CPS1: variants seen among roughly 807,000 people sequenced by gnomAD.
The protein encoded by CPS1 is carbamoyl-phosphate synthase [ammonia], mitochondrial.
CPS1 carries 109 observed loss-of-function variants against 174.6 expected under a neutral mutation model. That is an observed-to-expected ratio of 0.62 (90% CI 0.53 to 0.73). CPS1 has a LOEUF of 0.73. CPS1 is among the 30% of genes least tolerant of loss of function. CPS1 has a pLI of 0.00. For missense variants in CPS1, 1,689 were observed against 1,821.9 expected (o/e 0.93, Z 1.33); for synonymous variants, 637 against 632.0 (o/e 1.01, Z -0.12).
chr2:210,558,795 T>C (rs1227914192), intron 1 of CPS1, among the ~76,000 whole-genome samples: 1 of 152,068 alleles, frequency 6.6e-6, no homozygotes, highest in Non-Finnish European at 1.5e-5. Context: ...TGTGGATGGA[T>C]TACTGTGAAA....
At chr2:210,555,432 A>G (rs1696882668), upstream of CPS1, among the ~76,000 whole-genome samples, 2 of 152,046 alleles carry the variant, frequency 1.3e-5, no homozygotes, top group Admixed American at 1.3e-4. Flanking sequence ...ATAAACTAGT[A>G]TGAGCCTATT....
chr2:210,504,199 G>T (rs1447048599), intron 1 of CPS1, among the ~76,000 whole-genome samples: 1 of 152,086 alleles, frequency 6.6e-6, no homozygotes, highest in Admixed American at 6.5e-5. Flanking sequence ...CATGGTGTGT[G>T]TCCACCCGTG....
At chr2:210,642,448 C>T in intron 24 of CPS1, 36 bp from the exon 25 acceptor site, 1 of 1,612,842 alleles carries the variant, frequency 6.2e-7, no homozygotes, top group Non-Finnish European at 8.5e-7. Flanking sequence ...CTTCGTGCTT[C>T]TCTTATCCCT....
At chr2:210,634,312 C>T (rs1699963910) in intron 21 of CPS1, among the ~76,000 whole-genome samples, 1 of 152,162 alleles carries the variant, frequency 6.6e-6, no homozygotes, top group African/African-American at 2.4e-5. Flanking sequence ...CACCTGTCGT[C>T]CCAGCTACTC....
chr2:210,493,896 A>G (rs1392404672), intron 1 of CPS1, among the ~76,000 whole-genome samples: 1 of 152,246 alleles, frequency 6.6e-6, no homozygotes, highest in East Asian at 1.9e-4. Flanking sequence ...ATGAGTGAAC[A>G]GATGGGTTAA....
intron 15 of CPS1, among the ~76,000 whole-genome samples, chr2:210,601,939 T>A (rs1698740534): frequency 6.6e-6 from 1 of 151,956 alleles, no homozygotes; most frequent in African/African-American, 2.4e-5. Context: ...ACCATGGTTC[T>A]GTTTCAATAG....
chr2:210,524,324 G>A (rs536308329), intron 1 of CPS1, among the ~76,000 whole-genome samples: 5 of 151,646 alleles, frequency 3.3e-5, no homozygotes, highest in Admixed American at 6.6e-5. Context: ...GTAACCAAAG[G>A]GCAATTTATT....
intron 1 of CPS1, among the ~76,000 whole-genome samples, chr2:210,523,182 T>G (rs1695874060): frequency 6.6e-6 from 1 of 151,900 alleles, no homozygotes; most frequent in Non-Finnish European, 1.5e-5. Context: ...GTTCTTTATG[T>G]TTTTTCTGGA....
intron 1 of CPS1, among the ~76,000 whole-genome samples, chr2:210,493,517 T>C (rs1694919761): frequency 6.6e-6 from 1 of 152,224 alleles, no homozygotes. Flanking sequence ...TTCCCATGGA[T>C]GTATTAAGTA....
In CPS1 at chr2:210,650,422, C is replaced by T. The variant is rs766125631; in HGVS notation, c.3464C>T (p.Ala1155Val). The T allele has an allele frequency of 5.0e-6, 8 of 1,612,170 alleles. No individual in the cohort carries two copies. Among genetic ancestry groups the T allele is most frequent in the African/African-American group, 2.7e-5 (2 of 74,834 alleles). The change falls in exon 28 of 38, where the codon GCG becomes GTG. Residue 1155 changes from alanine to valine, a missense_variant. By Grantham distance (64) the Ala-to-Val change is moderately conservative (BLOSUM62 0). Coordinates refer to ENST00000233072, the MANE Select transcript of CPS1 (RefSeq NM_001875.5). ...EDEMKKFLEE[A>V]TRVSQEHPVV... The stretch of plus-strand genomic sequence containing the variant: ...GAGATGAAAAAATTCCTAGAAGAGG[C>T]GACTAGAGTTTCTCAGGTAGTGTCC...
intron 26 of CPS1, 104 bp downstream of exon 26, chr2:210,648,161 A>G: frequency 3.6e-6 from 4 of 1,111,812 alleles, no homozygotes; most frequent in Non-Finnish European, 5.4e-6. Context: ...TACAGGGCAG[A>G]TAGAATGCAT....
At chr2:210,505,003 C>T (rs1441471360) in intron 1 of CPS1, among the ~76,000 whole-genome samples, 3 of 151,732 alleles carry the variant, frequency 2.0e-5, no homozygotes, top group Non-Finnish European at 4.4e-5. Context: ...AGCTTTTTCT[C>T]GTTGGTCATA....
intron 1 of CPS1, among the ~76,000 whole-genome samples, chr2:210,572,052 A>G (rs1205990464): frequency 6.6e-6 from 1 of 151,928 alleles, no homozygotes; most frequent in South Asian, 2.1e-4. Flanking sequence ...CCTTGCAGAA[A>G]GAATAGCACA....
Position 210,675,597 on chromosome 2 carries a change from A to G in CPS1, c.4162-131A>G. On this transcript the variant is annotated intron_variant, in intron 35 of 37. Coordinates refer to ENST00000233072, the MANE Select transcript of CPS1 (RefSeq NM_001875.5). ...CCCATGCCTCTGGACTGTGAGTCCA[A>G]GTCTCTATCCATGGCACTATACTAC... 8 of 709,386 alleles carry G rather than the reference A, an allele frequency of 1.1e-5. No individual in the cohort carries two copies. The South Asian group carries it at 1.2e-4, about 11-fold the overall frequency. 43.9% of individuals were successfully genotyped at this position (709,386 alleles called of 1,614,324 possible).
At chr2:210,507,369 T>G (rs1388629445) in intron 1 of CPS1, among the ~76,000 whole-genome samples, 3 of 152,126 alleles carry the variant, frequency 2.0e-5, no homozygotes, top group African/African-American at 7.2e-5. Flanking sequence ...AAAGAGCTCC[T>G]GAAGGAAGCA....
At position 210,591,839 on chromosome 2, in the gene CPS1, A is replaced by G; in HGVS notation, c.956A>G (p.Asn319Ser). ...TCTCCTTTTCTCTCCAGAGGGCAGA[A>G]TCAGCCTGTTTTGAATATCACAAAC... is the stretch of plus-strand genomic sequence containing the variant. ...YKMSMANRGQ[N>S]QPVLNITNKQ... The change falls in exon 10 of 38, where the codon AAT becomes AGT. Residue 319 changes from asparagine (N) to serine (S), a missense_variant. Coordinates refer to ENST00000233072, the MANE Select transcript of CPS1 (RefSeq NM_001875.5). 1 of 1,612,448 alleles carries G rather than the reference A, an allele frequency of 6.2e-7. No individual in the cohort carries two copies. The highest frequency in any genetic ancestry group is 8.5e-7 in the Non-Finnish European group (1 of 1,178,984).
intron 7 of CPS1, among the ~76,000 whole-genome samples, chr2:210,589,866 T>C (rs1026689390): frequency 4.0e-5 from 6 of 151,886 alleles, no homozygotes; most frequent in African/African-American, 1.5e-4. Flanking sequence ...CCCAGGCTAG[T>C]CTTGACTTCC....
At chr2:210,622,371 T>G (rs1699557361) in intron 21 of CPS1, among the ~76,000 whole-genome samples, 1 of 151,780 alleles carries the variant, frequency 6.6e-6, no homozygotes, top group Admixed American at 6.6e-5. Context: ...ATTAAATATA[T>G]GTAAACATAA....
rs201710257 is a variant in CPS1 at position 210,675,739 on chromosome 2, G to A, written c.4173G>A (p.Thr1391=). 1.0e-4 allele frequency: 159 copies of A among 1,579,724 alleles called. No homozygotes were observed. The highest frequency in any genetic ancestry group is 1.7e-4 in the Admixed American group (10 of 59,946). The change falls in exon 36 of 38, where the codon ACG becomes ACA. Residue 1391 remains threonine, a synonymous_variant. Coordinates refer to ENST00000233072, the MANE Select transcript of CPS1 (RefSeq NM_001875.5). ...LHNEGFKLFA[T]EATSDWLNAN... is the part of the protein sequence containing the mutation. The stretch of plus-strand genomic sequence containing the variant: ...CATTTTAAATGCAGCTGTTTGCCAC[G>A]GAAGCCACATCAGACTGGCTCAACG...
Sources: gnomAD v4.1 joint callset for allele counts (sites outside exome capture counted in the v4.1 genomes callset) on GRCh38, gnomAD v4.1.1 for gene constraint, MANE v1.5 for transcripts, NCBI Gene and HGNC (gene_info 2026-07-23, HGNC 2026-07-21) for gene names.